Variants in CNTNAP2 observed in about 807,000 individuals in gnomAD.
The protein encoded by CNTNAP2 is contactin-associated protein-like 2.
In CNTNAP2, 98 loss-of-function variants were observed where a neutral mutation model predicts 155.2. The ratio of observed to expected loss-of-function variants is 0.63; its 90% CI spans 0.54 to 0.75. The LOEUF (loss-of-function observed/expected upper bound fraction) is 0.75, where lower values mean the gene tolerates loss of function less well. Among genes scored for constraint, CNTNAP2 ranks in the 30% least tolerant of loss-of-function variants. CNTNAP2 has a pLI of 0.00. For missense variants in CNTNAP2, 1,727 were observed against 1,688.1 expected, an observed-to-expected ratio of 1.02 and a Z score of -0.40; for synonymous variants, 651 against 631.2, an observed-to-expected ratio of 1.03 and a Z score of -0.47.
intron 1 of CNTNAP2, among the ~76,000 whole-genome samples, chr7:146,550,355 T>A (rs1798096431): frequency 6.7e-6 from 1 of 149,374 alleles, no homozygotes; most frequent in African/African-American, 2.5e-5. Context: ...GGGCAGCAAT[T>A]CAGAGTTACA....
At chr7:146,839,639 A>G in intron 2 of CNTNAP2, 72 bp from the exon 3 acceptor site, 1 of 1,516,324 alleles carries the variant, frequency 6.6e-7, no homozygotes, top group East Asian at 2.3e-5. Context: ...GATATGTAGA[A>G]TATTCCATTG....
chr7:147,670,677 A>G (rs1215553326), intron 13 of CNTNAP2, among the ~76,000 whole-genome samples: 1 of 152,068 alleles, frequency 6.6e-6, no homozygotes, highest in East Asian at 1.9e-4. Context: ...TTCCCATTCC[A>G]TTTGCTTTTC....
chr7:147,540,861 A>G (rs1253418617), intron 11 of CNTNAP2, among the ~76,000 whole-genome samples: 3 of 152,048 alleles, frequency 2.0e-5, no homozygotes, highest in Admixed American at 2.0e-4. Flanking sequence ...ATGAAACAAA[A>G]TTTTCTGAGA....
At chr7:148,094,724 C>T (rs755118141) in intron 15 of CNTNAP2, among the ~76,000 whole-genome samples, 22 of 152,150 alleles carry the variant, frequency 1.4e-4, no homozygotes, top group South Asian at 1.0e-3. Context: ...AAGATGAAGA[C>T]CACAAGAGAA....
At chr7:147,376,416 A>T (rs191997170) in intron 9 of CNTNAP2, among the ~76,000 whole-genome samples, 2 of 152,118 alleles carry the variant, frequency 1.3e-5, no homozygotes, top group African/African-American at 4.8e-5. Context: ...TTCATCGAGG[A>T]AGTAGGGTTC....
At chr7:148,383,537 C>A in intron 21 of CNTNAP2, 112 bp from the exon 22 acceptor site, 1 of 1,482,460 alleles carries the variant, frequency 6.7e-7, no homozygotes, top group Non-Finnish European at 9.4e-7. Context: ...AATGTAACAT[C>A]TTAAACTGAA....
intron 14 of CNTNAP2, among the ~76,000 whole-genome samples, chr7:147,929,810 C>T (rs957394720): frequency 3.3e-5 from 5 of 152,182 alleles, no homozygotes; most frequent in Admixed American, 6.5e-5. Flanking sequence ...TTATGGAAGA[C>T]AATTTTTCTA....
chr7:147,836,223 T>C (rs748709090), intron 13 of CNTNAP2, among the ~76,000 whole-genome samples: 1 of 152,158 alleles, frequency 6.6e-6, no homozygotes, highest in Non-Finnish European at 1.5e-5. Context: ...ACTTTTCAGT[T>C]AGGAATAATT....
intron 12 of CNTNAP2, among the ~76,000 whole-genome samples, chr7:147,613,291 A>G (rs952589022): frequency 6.6e-6 from 1 of 152,150 alleles, no homozygotes; most frequent in Non-Finnish European, 1.5e-5. Context: ...ACCCATTTGT[A>G]AATTACTGGT....
At chr7:147,581,437 T>A (rs1440580164) in intron 12 of CNTNAP2, among the ~76,000 whole-genome samples, 1 of 152,212 alleles carries the variant, frequency 6.6e-6, no homozygotes, top group Non-Finnish European at 1.5e-5. Flanking sequence ...GTATAGACAA[T>A]TCCAATCAAA....
chr7:146,747,794 C>A (rs1166464072), intron 1 of CNTNAP2, among the ~76,000 whole-genome samples: 1 of 151,978 alleles, frequency 6.6e-6, no homozygotes, highest in African/African-American at 2.4e-5. Flanking sequence ...CATATAGATC[C>A]CCTATAATGG....
intron 1 of CNTNAP2, among the ~76,000 whole-genome samples, chr7:146,243,194 A>T (rs1023744743): frequency 6.6e-6 from 1 of 152,148 alleles, no homozygotes; most frequent in South Asian, 2.1e-4. Flanking sequence ...GGCGATCAAA[A>T]TTGATTCTCA....
intron 21 of CNTNAP2, among the ~76,000 whole-genome samples, chr7:148,303,079 C>T (rs929652884): frequency 1.3e-5 from 2 of 152,084 alleles, no homozygotes; most frequent in Non-Finnish European, 2.9e-5. Flanking sequence ...TCCCAAAGCA[C>T]TTGGATTACA....
intron 11 of CNTNAP2, among the ~76,000 whole-genome samples, chr7:147,527,563 A>G (rs896751139): frequency 6.6e-6 from 1 of 152,192 alleles, no homozygotes; most frequent in African/African-American, 2.4e-5. Flanking sequence ...TTTAAAATGT[A>G]TTCTGAAACT....
At chr7:147,788,743 A>C (rs915068004) in intron 13 of CNTNAP2, among the ~76,000 whole-genome samples, 41 of 149,572 alleles carry the variant, frequency 2.7e-4, no homozygotes, top group Admixed American at 1.9e-3. Context: ...CCTGCCTCCA[A>C]CCCCCCTCAT....
intron 13 of CNTNAP2, among the ~76,000 whole-genome samples, chr7:147,787,746 ATAAT>A (rs949530136): frequency 7.2e-5 from 11 of 152,322 alleles, no homozygotes; most frequent in East Asian, 1.9e-4. Context: ...TCATTTTATA[ATAAT>A]TAATTAGGCA....
At position 147,395,709 on chromosome 7, in the gene CNTNAP2, A is replaced by G. The variant is rs1796801313; in HGVS notation, c.1599A>G (p.Leu533=). 6.2e-7 allele frequency: 1 copy of G among 1,612,524 alleles called. No individual in the cohort carries two copies. The highest frequency in any genetic ancestry group is 1.3e-5 in the African/African-American group (1 of 74,846). ...LIQVDDQLVN[L]YEVAQRKPGS... is the part of the protein sequence containing the mutation. ...AAGTGGACGATCAACTTGTAAATTT[A>G]TACGAAGTGGCACAAAGGAAGCCGG... Residue 533 remains leucine, a synonymous_variant, in exon 10 of 24, where the codon TTA becomes TTG. Coordinates refer to ENST00000361727, the MANE Select transcript of CNTNAP2 (RefSeq NM_014141.6).
intron 9 of CNTNAP2, among the ~76,000 whole-genome samples, chr7:147,347,934 G>T (rs776674462): frequency 1.3e-5 from 2 of 152,158 alleles, no homozygotes; most frequent in Non-Finnish European, 2.9e-5. Flanking sequence ...CATGGGGAAA[G>T]GGTAGTCTCT....
At chr7:146,148,812 G>A (rs1344749582) in intron 1 of CNTNAP2, among the ~76,000 whole-genome samples, 8 of 151,976 alleles carry the variant, frequency 5.3e-5, no homozygotes, top group South Asian at 4.1e-4. Context: ...GAAAGACATC[G>A]CTAATCAGAA....
Sources: allele counts gnomAD v4.1 joint callset (sites outside exome capture counted in the v4.1 genomes callset), GRCh38; gene constraint gnomAD v4.1.1; transcripts MANE v1.5; gene names NCBI Gene and HGNC (gene_info 2026-07-23, HGNC 2026-07-21).